The following IL1R1 variants were observed in gnomAD, a reference collection of about 807,000 sequenced individuals.
IL1R1 encodes interleukin 1 receptor type 1.
IL1R1 carries 22 observed loss-of-function variants against 50.2 expected under a neutral mutation model. That is an observed-to-expected ratio of 0.44 (90% CI 0.31 to 0.63). IL1R1 has a LOEUF of 0.63. Ranked by LOEUF, IL1R1 falls within the 20% of genes least tolerant of loss-of-function variation. IL1R1 has a pLI of 0.07. For synonymous variants in IL1R1, 251 were observed against 236.7 expected (o/e 1.06, Z -0.55); for missense variants, 509 against 676.2 (o/e 0.75, Z 2.74).
At position 102,175,477 on chromosome 2, in the gene IL1R1, G is replaced by A. The variant is rs768279165; in HGVS notation, c.1136-1G>A. On this transcript the variant is annotated splice_acceptor_variant, in intron 10 of 11. Coordinates refer to ENST00000410023, the MANE Select transcript of IL1R1 (RefSeq NM_000877.4). LOFTEE classifies it high-confidence loss of function. ...CTAAATACATTATGTTTTTCCTTTA[G>A]CTTCAGATGGAAAGACCTATGACGC... The A allele has an allele frequency of 1.9e-6, 3 of 1,611,622 alleles. No individual in the cohort carries two copies. The highest frequency in any genetic ancestry group is 2.5e-6 in the Non-Finnish European group (3 of 1,178,214).
At chr2:102,165,047 T>C in intron 4 of IL1R1, 39 bp downstream of exon 4, 1 of 1,578,096 alleles carries the variant, frequency 6.3e-7, no homozygotes, top group Non-Finnish European at 8.7e-7. Context: ...ATGTTCTAGT[T>C]TCCTGCAGTT....
chr2:102,080,212 G>A (rs917058790), intron 1 of IL1R1, among the ~76,000 whole-genome samples: 2 of 152,136 alleles, frequency 1.3e-5, no homozygotes, highest in East Asian at 1.9e-4. Flanking sequence ...CAGAGCACAA[G>A]CAACAACAAA....
At chr2:102,098,073 C>T (rs1279256025) in intron 1 of IL1R1, among the ~76,000 whole-genome samples, 3 of 151,800 alleles carry the variant, frequency 2.0e-5, no homozygotes, top group Non-Finnish European at 2.9e-5. Context: ...AATCCATGAC[C>T]GTGTTACGAT....
chr2:102,168,395 T>C (rs894188549), intron 6 of IL1R1, among the ~76,000 whole-genome samples: 2 of 152,242 alleles, frequency 1.3e-5, no homozygotes, highest in Non-Finnish European at 2.9e-5. Context: ...GGTCTAGCTC[T>C]ACCCCGGGAT....
Position 102,166,169 on chromosome 2 carries a change from C to G in IL1R1, c.543C>G (p.Leu181=). ...ACTTTAGTGGAGTCAAAGATAGGCT[C>G]ATCGTGATGAATGTGGCTGAAAAGC... ...NIHFSGVKDR[L]IVMNVAEKHR... Residue 181 remains leucine (L), a synonymous_variant, in exon 6 of 12, where the codon CTC becomes CTG. Coordinates refer to ENST00000410023, the MANE Select transcript of IL1R1 (RefSeq NM_000877.4). 6.2e-7 allele frequency: 1 copy of G among 1,613,790 alleles called. No homozygotes were observed.
chr2:102,175,790 A>G (rs184839592), intron 11 of IL1R1, 145 bp downstream of exon 11: 239 of 734,770 alleles, frequency 3.3e-4, no homozygotes, highest in Middle Eastern at 1.7e-3. Flanking sequence ...GATGATTTTT[A>G]CATTTATTAA....
intron 3 of IL1R1, 117 bp downstream of exon 3, chr2:102,157,902 C>A (rs978826214): frequency 2.0e-5 from 14 of 701,502 alleles, no homozygotes; most frequent in Admixed American, 4.6e-5. Context: ...AATCTCTGGG[C>A]ACAGAGCCTC....
At chr2:102,082,531 G>A (rs1237722054) in intron 1 of IL1R1, among the ~76,000 whole-genome samples, 1 of 152,170 alleles carries the variant, frequency 6.6e-6, no homozygotes, top group Non-Finnish European at 1.5e-5. Flanking sequence ...AGTTTCTTAG[G>A]AATAGTGTCA....
At chr2:102,140,090 T>C (rs1052444289), upstream of IL1R1, among the ~76,000 whole-genome samples, 3 of 152,194 alleles carry the variant, frequency 2.0e-5, no homozygotes, top group Admixed American at 6.5e-5. Flanking sequence ...TAGCTTTACA[T>C]TACCATACAT....
chr2:102,143,447 G>A (rs910479614), intron 1 of IL1R1, among the ~76,000 whole-genome samples: 1 of 152,198 alleles, frequency 6.6e-6, no homozygotes, highest in African/African-American at 2.4e-5. Context: ...CCAGATAAAG[G>A]ATGGTGCTAG....
chr2:102,124,411 C>A (rs1361813603), intron 1 of IL1R1, among the ~76,000 whole-genome samples: 1 of 151,460 alleles, frequency 6.6e-6, no homozygotes, highest in Non-Finnish European at 1.5e-5. Context: ...CAGAGCAAGA[C>A]TCCATCTCCC....
chr2:102,174,477 A>G (rs1337537734), intron 9 of IL1R1, 110 bp from the exon 10 acceptor site: 3 of 712,276 alleles, frequency 4.2e-6, no homozygotes. Context: ...AATGCAGGCC[A>G]TTCCCAGATA....
At position 102,168,667 on chromosome 2, in the gene IL1R1, A is replaced by G. The variant is rs764163507; in HGVS notation, c.721+4A>G. ...GAGACAATGGAAGTAGACTTGGGTA[A>G]GTGGGCTTCAGTGAGGGTATGCTGG... On this transcript the variant is annotated splice_donor_region_variant and intron_variant, in intron 7 of 11. Coordinates refer to ENST00000410023, the MANE Select transcript of IL1R1 (RefSeq NM_000877.4). The G allele has an allele frequency of 1.0e-5, 16 of 1,607,482 alleles. No individual in the cohort carries two copies. Among genetic ancestry groups the G allele is most frequent in the African/African-American group, 2.7e-5 (2 of 74,820 alleles).
chr2:102,160,895 A>T (rs1684662590), intron 3 of IL1R1, among the ~76,000 whole-genome samples: 1 of 152,314 alleles, frequency 6.6e-6, no homozygotes, highest in Admixed American at 6.5e-5. Context: ...ACCACTAAGT[A>T]ATACAAATCT....
At chr2:102,094,251 T>A (rs888689941) in intron 1 of IL1R1, among the ~76,000 whole-genome samples, 1 of 152,214 alleles carries the variant, frequency 6.6e-6, no homozygotes, top group Non-Finnish European at 1.5e-5. Flanking sequence ...AGTGAGGGAT[T>A]TATGACCTTG....
chr2:102,104,070 A>G (rs1174547241), upstream of IL1R1, among the ~76,000 whole-genome samples: 2 of 150,188 alleles, frequency 1.3e-5, no homozygotes, highest in African/African-American at 2.4e-5. Context: ...TGTGGAAGCC[A>G]GAGGCTCCAG....
chr2:102,090,638 T>C (rs1418011042), intron 1 of IL1R1, among the ~76,000 whole-genome samples: 1 of 152,230 alleles, frequency 6.6e-6, no homozygotes, highest in Non-Finnish European at 1.5e-5. Context: ...CAGTTCTAGA[T>C]TGTCTATTAG....
At chr2:102,114,667 C>G (rs1452708140) in intron 1 of IL1R1, among the ~76,000 whole-genome samples, 1 of 152,224 alleles carries the variant, frequency 6.6e-6, no homozygotes, top group East Asian at 1.9e-4. Flanking sequence ...TCATCAACCT[C>G]AAACTCTGGG....
rs12613301 is a variant in IL1R1 at position 102,142,921 on chromosome 2, A to C, written c.-183A>C. The C allele has an allele frequency of 6.6e-6, 1 of 151,610 alleles. No homozygotes were observed. The highest frequency in any genetic ancestry group is 6.6e-5 in the Admixed American group (1 of 15,236). 9.4% of individuals were successfully genotyped at this position (151,610 alleles called of 1,614,324 possible). On this transcript the variant is annotated 5_prime_UTR_variant, in exon 1 of 12. Coordinates refer to ENST00000410023, the MANE Select transcript of IL1R1 (RefSeq NM_000877.4). ...GTGACAATCGCGCGCCCGCGCACCG[A>C]AGCACTCCTCGCTCGGCTCCTAGGG...
Sources: gnomAD v4.1 joint callset for allele counts (sites outside exome capture counted in the v4.1 genomes callset) on GRCh38, gnomAD v4.1.1 for gene constraint, MANE v1.5 for transcripts, NCBI Gene and HGNC (gene_info 2026-07-23, HGNC 2026-07-21) for gene names.